ATXN1: variants seen among roughly 807,000 people sequenced by gnomAD.
ATXN1 encodes ataxin-1.
Under a neutral mutation model 56.4 loss-of-function variants are expected in ATXN1, and 8 were observed. The ratio of observed to expected loss-of-function variants is 0.14; its 90% CI spans 0.08 to 0.26. The LOEUF (loss-of-function observed/expected upper bound fraction) is 0.26, where lower values mean the gene tolerates loss of function less well. Ranked by LOEUF, ATXN1 falls within the 10% of genes least tolerant of loss-of-function variation. The pLI is 1.00. For synonymous variants in ATXN1, 514 were observed against 494.6 expected (o/e 1.04, Z -0.52); for missense variants, 987 against 1,106.5 (o/e 0.89, Z 1.53).
At chr6:16,398,640 C>T (rs564622001) in intron 6 of ATXN1, among the ~76,000 whole-genome samples, 5 of 152,198 alleles carry the variant, frequency 3.3e-5, no homozygotes, top group African/African-American at 1.2e-4. Flanking sequence ...TGTTTTTCGC[C>T]TCCTCCAGGA....
intron 6 of ATXN1, among the ~76,000 whole-genome samples, chr6:16,442,258 T>C (rs1325793479): frequency 1.3e-5 from 2 of 152,164 alleles, no homozygotes; most frequent in Non-Finnish European, 1.5e-5. Context: ...GTTATGAATA[T>C]GCAAGGACCC....
At chr6:16,739,791 T>C (rs1223521464) in intron 2 of ATXN1, 1 of 456,242 alleles carries the variant, frequency 2.2e-6, no homozygotes, top group Non-Finnish European at 4.4e-6. Flanking sequence ...CAGAATAAAA[T>C]GGTGACACAT....
chr6:16,646,811 T>A (rs1433183881), intron 3 of ATXN1, among the ~76,000 whole-genome samples: 1 of 152,246 alleles, frequency 6.6e-6, no homozygotes, highest in Non-Finnish European at 1.5e-5. Context: ...TGGGTTCACC[T>A]ACATGTTTCC....
At chr6:16,379,309 T>C (rs1762205109) in intron 6 of ATXN1, among the ~76,000 whole-genome samples, 2 of 152,256 alleles carry the variant, frequency 1.3e-5, no homozygotes, top group South Asian at 2.1e-4. Context: ...TATGGTGCAG[T>C]GTATACTGCT....
intron 4 of ATXN1, among the ~76,000 whole-genome samples, chr6:16,583,021 C>T (rs1762555949): frequency 6.6e-6 from 1 of 152,306 alleles, no homozygotes; most frequent in South Asian, 2.1e-4. Flanking sequence ...TGTCCTCTCT[C>T]CCTCTATGAA....
chr6:16,680,028 G>T (rs1172136007), intron 2 of ATXN1, among the ~76,000 whole-genome samples: 2 of 152,210 alleles, frequency 1.3e-5, no homozygotes, highest in Non-Finnish European at 2.9e-5. Flanking sequence ...ACATAGTCAA[G>T]TAAGTGTCAA....
chr6:16,614,803 A>G (rs941040096), intron 3 of ATXN1, among the ~76,000 whole-genome samples: 1 of 151,550 alleles, frequency 6.6e-6, no homozygotes, highest in Non-Finnish European at 1.5e-5. Context: ...CATGCCTGTA[A>G]TCCCAGATAC....
At chr6:16,499,423 A>G (rs977557855) in intron 5 of ATXN1, among the ~76,000 whole-genome samples, 8 of 152,226 alleles carry the variant, frequency 5.3e-5, no homozygotes, top group Non-Finnish European at 1.2e-4. Flanking sequence ...CCCACATTTT[A>G]AAGATGCAGC....
At position 16,392,585 on chromosome 6, in the gene ATXN1, T is replaced by G. The variant is rs368408248; in HGVS notation, c.-160-64115A>C. Among the ~76,000 whole-genome samples the G allele has an allele frequency of 2.0e-5, 3 of 152,074 alleles. No individual in the cohort carries two copies. The South Asian group carries it at 6.2e-4, about 32-fold the overall frequency. ...ATCTTGGCTCCCTGCAACCTCCGCC[T>G]TCTAGGTTCAAGCGATTCTCCTGCC... On this transcript the variant is annotated intron_variant, in intron 6 of 7. Coordinates refer to ENST00000436367, the MANE Select transcript of ATXN1 (RefSeq NM_001128164.2).
chr6:16,671,597 G>A (rs114592041), intron 2 of ATXN1, among the ~76,000 whole-genome samples: 224 of 152,176 alleles, frequency 1.5e-3, no homozygotes, highest in Middle Eastern at 3.4e-3. Flanking sequence ...ATGACAGCCT[G>A]GTTACAAATG....
intron 2 of ATXN1, among the ~76,000 whole-genome samples, chr6:16,673,996 G>T (rs1020335394): frequency 6.6e-6 from 1 of 152,058 alleles, no homozygotes; most frequent in Non-Finnish European, 1.5e-5. Context: ...TTAATGTGGT[G>T]GTCTGTGTTC....
chr6:16,316,865 C>CTTTTTTTTTTTTTTTTTTTTTTTT (rs375359789), intron 7 of ATXN1, among the ~76,000 whole-genome samples: 10 of 99,454 alleles, frequency 1.0e-4, no homozygotes, highest in South Asian at 4.3e-4. Flanking sequence ...GACTGCCTGT[C>CTTTTTTTTTTTTTTTTTTTTTTTT]TTTTTTTTTT....
chr6:16,647,956 A>AGG (rs1763829496), intron 3 of ATXN1, among the ~76,000 whole-genome samples: 1 of 152,096 alleles, frequency 6.6e-6, no homozygotes, highest in Non-Finnish European at 1.5e-5. Context: ...GGTGCCTGTA[A>AGG]TCCCAGCTAC....
At chr6:16,378,869 C>T (rs1581724136) in intron 6 of ATXN1, among the ~76,000 whole-genome samples, 1 of 152,274 alleles carries the variant, frequency 6.6e-6, no homozygotes, top group South Asian at 2.1e-4. Context: ...CTCCTCTTGA[C>T]TTATTAAGTT....
intron 6 of ATXN1, among the ~76,000 whole-genome samples, chr6:16,390,972 A>G (rs908618000): frequency 6.6e-6 from 1 of 151,968 alleles, no homozygotes; most frequent in Non-Finnish European, 1.5e-5. Context: ...ATCAGCCTGG[A>G]CAACATGGAT....
At chr6:16,318,987 C>T (rs554695978) in intron 7 of ATXN1, among the ~76,000 whole-genome samples, 184 of 152,098 alleles carry the variant, frequency 1.2e-3, no homozygotes, top group African/African-American at 4.1e-3. Context: ...GGGCCTGAGG[C>T]GGGAGGATCA....
intron 6 of ATXN1, among the ~76,000 whole-genome samples, chr6:16,347,642 C>T (rs1026262101): frequency 7.9e-5 from 12 of 152,170 alleles, no homozygotes; most frequent in Non-Finnish European, 1.3e-4. Flanking sequence ...ACTTGGAGAA[C>T]CTTTGTGTCG....
intron 6 of ATXN1, among the ~76,000 whole-genome samples, chr6:16,360,465 C>T (rs1047404709): frequency 6.6e-6 from 1 of 152,174 alleles, no homozygotes; most frequent in African/African-American, 2.4e-5. Context: ...TTGAACATCT[C>T]ATGCCTGGGA....
intron 6 of ATXN1, among the ~76,000 whole-genome samples, chr6:16,345,991 C>T (rs888188732): frequency 8.5e-5 from 13 of 152,198 alleles, no homozygotes; most frequent in Admixed American, 2.6e-4. Flanking sequence ...AGGCAACACC[C>T]TCTGAATGAG....
Sources: gnomAD v4.1 joint callset for allele counts (sites outside exome capture counted in the v4.1 genomes callset) on GRCh38, gnomAD v4.1.1 for gene constraint, MANE v1.5 for transcripts, NCBI Gene and HGNC (gene_info 2026-07-23, HGNC 2026-07-21) for gene names.